Variants in MEIG1 observed in about 807,000 individuals in gnomAD.
MEIG1 encodes meiosis expressed gene 1 protein homolog.
In MEIG1, 12 loss-of-function variants were observed where a neutral mutation model predicts 11.3. That is an observed-to-expected ratio of 1.07 (90% CI 0.68 to 1.73). The LOEUF (loss-of-function observed/expected upper bound fraction) is 1.73. MEIG1 is among the 40% of genes most tolerant of loss of function. MEIG1 has a pLI of 0.00. For synonymous variants in MEIG1, 41 were observed against 33.2 expected (o/e 1.24, Z -0.81); for missense variants, 119 against 104.9 (o/e 1.13, Z -0.59).
chr10:14,954,829 T>G (rs1842895076), upstream of MEIG1, among the ~76,000 whole-genome samples: 1 of 152,260 alleles, frequency 6.6e-6, no homozygotes, highest in African/African-American at 2.4e-5. Context: ...ATTTCCTTTA[T>G]TGTATTACAA....
downstream of MEIG1, among the ~76,000 whole-genome samples, chr10:14,974,897 G>A (rs1467178936): frequency 1.3e-5 from 2 of 151,988 alleles, no homozygotes; most frequent in Non-Finnish European, 2.9e-5. Flanking sequence ...AGATATTCAT[G>A]TTAATAATAA....
At chr10:14,985,178 G>A (rs1281134838) in intron 1 of MEIG1, among the ~76,000 whole-genome samples, 1 of 151,982 alleles carries the variant, frequency 6.6e-6, no homozygotes, top group Non-Finnish European at 1.5e-5. Context: ...CTAGAGATAT[G>A]TTACTCATAA....
chr10:14,954,422 T>C (rs1363452993), upstream of MEIG1: 9 of 309,056 alleles, frequency 2.9e-5, no homozygotes, highest in Non-Finnish European at 5.1e-5. Context: ...TAGAAATCAT[T>C]CTTCGTTCCG....
chr10:14,983,473 C>G (rs1317327896), intron 1 of MEIG1, among the ~76,000 whole-genome samples: 1 of 151,910 alleles, frequency 6.6e-6, no homozygotes, highest in Non-Finnish European at 1.5e-5. Flanking sequence ...GTACACCCAT[C>G]CTGGGATATT....
At chr10:14,983,667 A>G (rs542979768) in intron 1 of MEIG1, among the ~76,000 whole-genome samples, 1 of 151,404 alleles carries the variant, frequency 6.6e-6, no homozygotes, top group East Asian at 2.0e-4. Context: ...AGAAGATGAT[A>G]CCACGCCCCC....
chr10:14,960,334 A>G (rs1424165181), intron 1 of MEIG1, among the ~76,000 whole-genome samples: 1 of 152,220 alleles, frequency 6.6e-6, no homozygotes, highest in Non-Finnish European at 1.5e-5. Flanking sequence ...GGAAGTGAAA[A>G]GGGAATTTGG....
At chr10:14,981,807 C>CT (rs1261047286) in intron 1 of MEIG1, among the ~76,000 whole-genome samples, 1 of 152,228 alleles carries the variant, frequency 6.6e-6, no homozygotes, top group African/African-American at 2.4e-5. Flanking sequence ...ACTGCAAACT[C>CT]TGACAGCCAA....
intron 1 of MEIG1, among the ~76,000 whole-genome samples, chr10:14,979,185 A>T (rs748528847): frequency 6.6e-6 from 1 of 151,470 alleles, no homozygotes; most frequent in Non-Finnish European, 1.5e-5. Context: ...AAATATCACA[A>T]AGGTTGTACA....
intron 1 of MEIG1, among the ~76,000 whole-genome samples, chr10:14,964,605 AT>A: frequency 1.0e-5 from 1 of 99,098 alleles, no homozygotes; most frequent in African/African-American, 3.9e-5. Flanking sequence ...ATATATATAT[AT>A]ATACACACAC....
chr10:14,963,858 G>T (rs537078867), intron 1 of MEIG1, among the ~76,000 whole-genome samples: 47 of 152,226 alleles, frequency 3.1e-4, no homozygotes, highest in African/African-American at 1.1e-3. Context: ...CAGCCTTTTG[G>T]GGGGCTGAGG....
intron 1 of MEIG1, among the ~76,000 whole-genome samples, chr10:14,962,483 CA>C (rs1280815208): frequency 1.3e-5 from 2 of 152,174 alleles, no homozygotes; most frequent in Non-Finnish European, 2.9e-5. Context: ...TGATTTCCCC[CA>C]AAGTCCAATT....
chr10:14,974,201 G>A (rs896775207), downstream of MEIG1, among the ~76,000 whole-genome samples: 6 of 151,982 alleles, frequency 3.9e-5, no homozygotes, highest in African/African-American at 1.5e-4. Context: ...TGGTAACTGG[G>A]TCCTTCCATA....
At chr10:14,974,651 A>T (rs970498721), downstream of MEIG1, among the ~76,000 whole-genome samples, 4 of 152,114 alleles carry the variant, frequency 2.6e-5, no homozygotes, top group African/African-American at 9.7e-5. Context: ...TTAATAACTG[A>T]TCATATAATT....
upstream of MEIG1, among the ~76,000 whole-genome samples, chr10:14,955,281 G>A (rs997735050): frequency 6.6e-6 from 1 of 152,120 alleles, no homozygotes; most frequent in African/African-American, 2.4e-5. Flanking sequence ...ACAAACCTTC[G>A]GGTAGCATTC....
At chr10:14,965,341 T>C (rs1359979360) in intron 1 of MEIG1, among the ~76,000 whole-genome samples, 1 of 152,216 alleles carries the variant, frequency 6.6e-6, no homozygotes, top group Non-Finnish European at 1.5e-5. Flanking sequence ...TGTAAGATTA[T>C]GCCTTTGAAA....
chr10:14,982,908 C>T (rs547347771), intron 1 of MEIG1, among the ~76,000 whole-genome samples: 1 of 151,992 alleles, frequency 6.6e-6, no homozygotes, highest in Non-Finnish European at 1.5e-5. Flanking sequence ...TGATCTTATT[C>T]ATTAGAAAAC....
At chr10:14,984,249 GT>G (rs1396677249) in intron 1 of MEIG1, among the ~76,000 whole-genome samples, 17 of 151,676 alleles carry the variant, frequency 1.1e-4, no homozygotes, top group Non-Finnish European at 7.4e-5. Flanking sequence ...AATATCCAGG[GT>G]GGGAGAGGGG....
chr10:14,987,696 G>A (rs574942742), intron 2 of MEIG1: 41 of 309,794 alleles, frequency 1.3e-4, no homozygotes, highest in African/African-American at 7.9e-4. Context: ...AGACCAAAAC[G>A]TCGTATATAA....
At chr10:14,959,086 GAATA>G (rs778323096), upstream of MEIG1, among the ~76,000 whole-genome samples, 21 of 152,186 alleles carry the variant, frequency 1.4e-4, no homozygotes, top group East Asian at 3.9e-4. Context: ...CCTCGCAAAT[GAATA>G]GATAGGAGAT....
Sources: allele counts gnomAD v4.1 joint callset (sites outside exome capture counted in the v4.1 genomes callset), GRCh38; gene constraint gnomAD v4.1.1; transcripts MANE v1.5; gene names NCBI Gene and HGNC (gene_info 2026-07-23, HGNC 2026-07-21).